ZRANB2: variants seen among roughly 807,000 people sequenced by gnomAD.
The protein encoded by ZRANB2 is zinc finger RANBP2-type containing 2.
Under a neutral mutation model 53.4 loss-of-function variants are expected in ZRANB2, and 19 were observed. The ratio of observed to expected loss-of-function variants is 0.36; its 90% CI spans 0.25 to 0.52. The LOEUF is 0.52. Among genes scored for constraint, ZRANB2 ranks in the 20% least tolerant of loss-of-function variants. The pLI is 0.93. For missense variants in ZRANB2, 309 were observed against 401.1 expected (o/e 0.77, Z 1.96); for synonymous variants, 145 against 134.8 (o/e 1.08, Z -0.52).
At chr1:71,069,161 T>A in intron 8 of ZRANB2, 115 bp downstream of exon 8, 2 of 775,048 alleles carry the variant, frequency 2.6e-6, no homozygotes, top group Non-Finnish European at 4.1e-6. Context: ...AGTTTTCTAA[T>A]GCTAAAATAA....
In ZRANB2 at chr1:71,064,259, T is replaced by C. The variant is rs1661369042; in HGVS notation, c.*815A>G. 1 of 152,176 alleles carries C rather than the reference T, an allele frequency of 6.6e-6. No homozygotes were observed. The highest frequency in any genetic ancestry group is 1.5e-5 in the Non-Finnish European group (1 of 67,912). 9.4% of individuals were successfully genotyped at this position (152,176 alleles called of 1,614,324 possible). ...TAAAAGCTTACTTCAATTTGCTCAT[T>C]AAGTATGATTTAGCCTTTTCTACCA... On this transcript the variant is annotated 3_prime_UTR_variant, in exon 10 of 10. Transcript: ENST00000370920.
intron 4 of ZRANB2, among the ~76,000 whole-genome samples, chr1:71,073,391 G>A (rs1661635578): frequency 6.6e-6 from 1 of 151,974 alleles, no homozygotes; most frequent in Admixed American, 6.6e-5. Flanking sequence ...AGCAGTATCA[G>A]TACAATAAGG....
At chr1:71,066,161 G>T (rs555500427) in intron 9 of ZRANB2, 1 of 160,796 alleles carries the variant, frequency 6.2e-6, no homozygotes, top group East Asian at 1.9e-4. Context: ...TTAGCCTGTT[G>T]CAGAAAAGGC....
chr1:71,065,587 T>C (rs1311938003), intron 9 of ZRANB2: 3 of 1,471,750 alleles, frequency 2.0e-6, no homozygotes, highest in Non-Finnish European at 2.7e-6. Flanking sequence ...TACTCATAAA[T>C]AAGTTTTGGA....
intron 3 of ZRANB2, among the ~76,000 whole-genome samples, chr1:71,077,097 T>C (rs1423885596): frequency 6.6e-6 from 1 of 152,138 alleles, no homozygotes. Context: ...AAAATTTATA[T>C]AGTATGAAAA....
intron 9 of ZRANB2, 133 bp from the exon 10 acceptor site, chr1:71,065,270 A>C: frequency 1.7e-6 from 1 of 600,674 alleles, no homozygotes; most frequent in Non-Finnish European, 2.8e-6. Flanking sequence ...TTGAGATAGG[A>C]ACTTACACAC....
Position 71,065,924 on chromosome 1 carries a change from T to C in ZRANB2, c.930-787A>G, listed in dbSNP as rs1424810798. The C allele has an allele frequency of 4.3e-6, 4 of 934,866 alleles. No homozygotes were observed. The East Asian group carries it at 8.7e-5, about 20-fold the overall frequency. 57.9% of individuals were successfully genotyped at this position (934,866 alleles called of 1,614,324 possible). A position where few individuals can be genotyped will look rare whatever the true frequency, so the allele number is the denominator to read the frequency against. ...ACAAATGCAGAGAAACAAGACTGTG[T>C]GAAATCTTAACATCTAAACTCCAAA... On this transcript the variant is annotated intron_variant, in intron 9 of 9. Coordinates refer to ENST00000370920, the MANE Select transcript of ZRANB2 (RefSeq NM_203350.3).
At chr1:71,068,592 C>T (rs888140294) in intron 8 of ZRANB2, among the ~76,000 whole-genome samples, 3 of 151,912 alleles carry the variant, frequency 2.0e-5, no homozygotes, top group African/African-American at 2.4e-5. Context: ...TAAATAATAG[C>T]GTGTGTAAAA....
intron 8 of ZRANB2, 77 bp from the exon 9 acceptor site, chr1:71,067,011 C>A: frequency 7.3e-7 from 1 of 1,374,292 alleles, no homozygotes; most frequent in Non-Finnish European, 9.7e-7. Context: ...TCAGATAGCT[C>A]CAAAAATAAA....
chr1:71,080,588 G>C (rs534488357), intron 1 of ZRANB2, among the ~76,000 whole-genome samples: 1 of 138,268 alleles, frequency 7.2e-6, no homozygotes, highest in African/African-American at 2.6e-5. Flanking sequence ...TCACGTGGGG[G>C]AGATCCAACA....
chr1:71,076,947 C>A (rs920033561), intron 3 of ZRANB2, 70 bp from the exon 4 acceptor site: 7 of 1,181,372 alleles, frequency 5.9e-6, no homozygotes, highest in Non-Finnish European at 8.4e-6. Flanking sequence ...AGATATTTTA[C>A]AATTTTAAAA....
In ZRANB2 at chr1:71,069,260, A is replaced by G; in HGVS notation, c.770+16T>C. ...ATTTTTCTCTCTGCTTTACAGAGAGATGCTACCTCATTCACCTTGATTTCG... is the reference window on the plus strand; with the variant it reads ...ATTTTTCTCTCTGCTTTACAGAGAGGTGCTACCTCATTCACCTTGATTTCG... On this transcript the variant is annotated intron_variant, in intron 8 of 9. Transcript: ENST00000370920. 6.2e-7 allele frequency: 1 copy of G among 1,603,424 alleles called. No homozygotes were observed. The highest frequency in any genetic ancestry group is 1.1e-5 in the South Asian group (1 of 90,056).
intron 4 of ZRANB2, among the ~76,000 whole-genome samples, chr1:71,074,675 CT>C (rs1393659895): frequency 6.6e-6 from 1 of 151,104 alleles, no homozygotes; most frequent in African/African-American, 2.4e-5. Flanking sequence ...TAAAAAAAAG[CT>C]GACAAAAACA....
At chr1:71,076,700 C>T (rs574729910) in intron 4 of ZRANB2, 95 bp downstream of exon 4, 147 of 927,256 alleles carry the variant, frequency 1.6e-4, no homozygotes, top group South Asian at 9.5e-4. Flanking sequence ...AGAATCCTCA[C>T]TTACTGTGGC....
intron 9 of ZRANB2, chr1:71,066,353 T>C (rs1260314594): frequency 6.4e-6 from 1 of 156,800 alleles, no homozygotes; most frequent in Non-Finnish European, 1.4e-5. Flanking sequence ...TTTACACATA[T>C]TTAAATGAGG....
At chr1:71,070,785 T>C in intron 7 of ZRANB2, 42 bp downstream of exon 7, 1 of 1,197,170 alleles carries the variant, frequency 8.4e-7, no homozygotes, top group Non-Finnish European at 1.1e-6. Flanking sequence ...AGTTAGATAC[T>C]GACATTTTGA....
Position 71,070,948 on chromosome 1 carries a change from T to C in ZRANB2, c.562A>G (p.Ser188Gly). 1 of 1,609,816 alleles carries C rather than the reference T, an allele frequency of 6.2e-7. No homozygotes were observed. Among genetic ancestry groups the C allele is most frequent in the Non-Finnish European group, 8.5e-7 (1 of 1,178,236 alleles). Residue 188 changes from serine to glycine, a missense_variant, in exon 7 of 10, where the codon AGT becomes GGT. This residue lies in a region of ZRANB2 where 211 missense variants were observed against 196.1 expected (regional missense o/e 1.08). Coordinates refer to ENST00000370920, the MANE Select transcript of ZRANB2 (RefSeq NM_203350.3). Reference sequence around the variant, plus strand: ...TTTTTATTACTATCTTCTTCTTCACTGGCATCAAGATTATATTTTGAGAGA... The same window carrying C: ...TTTTTATTACTATCTTCTTCTTCACCGGCATCAAGATTATATTTTGAGAGA... ...ADLSKYNLDASEEEDSNKKKS... is the reference protein window; with the variant it reads ...ADLSKYNLDAGEEEDSNKKKS...
chr1:71,078,390 T>C, intron 3 of ZRANB2, 67 bp downstream of exon 3: 2 of 1,355,672 alleles, frequency 1.5e-6, no homozygotes, highest in African/African-American at 1.5e-5. Context: ...AGAGCTGTAA[T>C]ATAAACAAGT....
rs930597272 is a variant in ZRANB2, at chr1:71,064,991, T to C, written c.*83A>G. ...CACCTCTACTAGCAGATTTAGCACT[T>C]CTGACCAAGTAAGACACCAACTTCT... On this transcript the variant is annotated 3_prime_UTR_variant, in exon 10 of 10. Transcript: ENST00000370920. The C allele has an allele frequency of 8.3e-6, 8 of 960,442 alleles. No individual in the cohort carries two copies. In the African/African-American group the frequency reaches 1.3e-4, roughly 16 times the overall value. The allele number at this position is 960,442 out of a possible 1,614,324, so 59.5% of individuals were successfully genotyped here.
Sources: allele counts gnomAD v4.1 joint callset (sites outside exome capture counted in the v4.1 genomes callset), GRCh38; gene constraint gnomAD v4.1.1; regional missense constraint gnomAD v4.1.1; transcripts MANE v1.5; gene names NCBI Gene and HGNC (gene_info 2026-07-23, HGNC 2026-07-21).